The following ZNF93 variants were observed in gnomAD, a reference collection of about 807,000 sequenced individuals.
The protein encoded by ZNF93 is zinc finger protein 505.
Under a neutral mutation model 45.0 loss-of-function variants are expected in ZNF93, and 29 were observed. The observed-to-expected ratio is 0.64, with a 90% confidence interval of 0.48 to 0.88. ZNF93 has a LOEUF of 0.88. ZNF93 is among the 40% of genes least tolerant of loss of function. ZNF93 has a pLI of 0.00. For synonymous variants in ZNF93, 223 were observed against 244.6 expected (o/e 0.91, Z 0.82); for missense variants, 578 against 724.0 (o/e 0.80, Z 2.31).
intron 3 of ZNF93, among the ~76,000 whole-genome samples, chr19:19,929,027 C>T (rs1262186663): frequency 1.3e-5 from 2 of 151,916 alleles, no homozygotes; most frequent in African/African-American, 2.4e-5. Context: ...TGGTGGGACA[C>T]GTTTGGGTCA....
At chr19:19,914,700 T>C in intron 1 of ZNF93, 1 of 282,840 alleles carries the variant, frequency 3.5e-6, no homozygotes, top group South Asian at 3.2e-5. Flanking sequence ...TATAGTTTTC[T>C]ATGGAAGATG....
intron 1 of ZNF93, among the ~76,000 whole-genome samples, chr19:19,903,563 C>T (rs1275235249): frequency 1.3e-5 from 2 of 152,096 alleles, no homozygotes; most frequent in African/African-American, 4.8e-5. Context: ...GTCAGGAGAT[C>T]GAGACCATCC....
chr19:19,916,126 G>A (rs1191770964), intron 2 of ZNF93, among the ~76,000 whole-genome samples: 1 of 150,502 alleles, frequency 6.6e-6, no homozygotes, highest in Non-Finnish European at 1.5e-5. Flanking sequence ...GAGTGCAGTG[G>A]AATGATCTTG....
intron 1 of ZNF93, among the ~76,000 whole-genome samples, chr19:19,914,038 A>G (rs2063317017): frequency 6.6e-6 from 1 of 152,126 alleles, no homozygotes; most frequent in Non-Finnish European, 1.5e-5. Context: ...AGACTTCTCT[A>G]CATTCTGTTT....
At position 19,934,801 on chromosome 19, in the gene ZNF93, AC is replaced by A. The variant is rs199972842; in HGVS notation, c.1847del (p.Thr616MetfsTer32). On this transcript the variant is annotated frameshift_variant, in exon 4 of 4. Transcript: ENST00000343769. LOFTEE classifies it high-confidence loss of function. ...SSLSRHEIIH[T>X]GEKP ...CCTTAGTAGACATGAGATAATTCAT[AC>A]TGGGGAGAAACCCTAGAAGTGTGAA... The A allele has an allele frequency of 2.4e-3, 3,774 of 1,597,636 alleles. 78 individuals carry two copies. In the African/African-American group the frequency reaches 0.043, roughly 18 times the overall value.
At chr19:19,915,841 C>T (rs946414980) in intron 2 of ZNF93, among the ~76,000 whole-genome samples, 2 of 151,936 alleles carry the variant, frequency 1.3e-5, no homozygotes, top group Admixed American at 6.6e-5. Flanking sequence ...GATTACTTCT[C>T]GAGAAAAAAA....
In ZNF93 at chr19:19,916,553, A is replaced by G; in HGVS notation, c.131-7A>G. On this transcript the variant is annotated splice_polypyrimidine_tract_variant and splice_region_variant and intron_variant, in intron 2 of 3. Transcript: ENST00000343769. ...AAGATTCATGTTATTTATTCTTAAC[A>G]AAACAGGTATTGTTGTCTCTAAGCC... The G allele has an allele frequency of 1.9e-6, 3 of 1,610,598 alleles. No individual in the cohort carries two copies. The highest frequency in any genetic ancestry group is 2.5e-6 in the Non-Finnish European group (3 of 1,177,652).
chr19:19,901,276 A>G (rs1599563744), intron 1 of ZNF93, among the ~76,000 whole-genome samples, 185 bp downstream of exon 1: 1 of 152,052 alleles, frequency 6.6e-6, no homozygotes, highest in Admixed American at 6.5e-5. Context: ...CGCAGCCCCC[A>G]GGCGTCCTGT....
chr19:19,917,334 TTC>T (rs2063327321), intron 3 of ZNF93, among the ~76,000 whole-genome samples: 1 of 112,166 alleles, frequency 8.9e-6, no homozygotes, highest in African/African-American at 7.6e-5. Flanking sequence ...ATAATACTTA[TTC>T]TTCAAGTTAT....
chr19:19,928,109 CTAAG>C (rs2063361644), intron 3 of ZNF93, among the ~76,000 whole-genome samples: 1 of 152,214 alleles, frequency 6.6e-6, no homozygotes, highest in African/African-American at 2.4e-5. Context: ...ATTTTTATGT[CTAAG>C]TAGTTTATTT....
intron 3 of ZNF93, among the ~76,000 whole-genome samples, chr19:19,917,917 TTTCCTTCC>T (rs10588675): frequency 1.6e-4 from 24 of 150,834 alleles, no homozygotes; most frequent in South Asian, 1.5e-3. Context: ...AGTGACTTTC[TTTCCTTCC>T]TTCCTTCCTT....
Position 19,935,434 on chromosome 19 carries a change from T to C in ZNF93, c.*616T>C, listed in dbSNP as rs1346321913. Reference sequence around the variant, plus strand: ...CCTTCTAACATCAGTTTATGAAAACTTGAAAAGGTGTTTGCTCCATCAAAT... The same window carrying C: ...CCTTCTAACATCAGTTTATGAAAACCTGAAAAGGTGTTTGCTCCATCAAAT... On this transcript the variant is annotated 3_prime_UTR_variant, in exon 4 of 4. Coordinates refer to ENST00000343769, the MANE Select transcript of ZNF93 (RefSeq NM_031218.4). 6.6e-6 allele frequency: 1 copy of C among 152,478 alleles called. No individual in the cohort carries two copies. The highest frequency in any genetic ancestry group is 1.5e-5 in the Non-Finnish European group (1 of 68,298). The allele number at this position is 152,478 out of a possible 1,614,324, so 9.4% of individuals were successfully genotyped here.
rs1339294197 is a variant in ZNF93, at chr19:19,933,365, G to A, written c.410G>A (p.Ser137Asn). 2 of 1,605,576 alleles carry A rather than the reference G, an allele frequency of 1.2e-6. No homozygotes were observed. Among genetic ancestry groups the A allele is most frequent in the East Asian group, 2.2e-5 (1 of 44,744 alleles). The change falls in exon 4 of 4, where the codon AGT becomes AAT. Residue 137 changes from serine (S) to asparagine (N), a missense_variant. Physicochemically the swap from Ser to Asn is conservative, Grantham distance 46 (BLOSUM62 1). Around this residue, in one of 3 missense-constraint regions of ZNF93, gnomAD observed 446 missense variants for 547.6 expected, o/e 0.81. Transcript: ENST00000343769. ...TGGYNGLNQC[S>N]TTTQSKVFQC... ...GGTTATAATGGACTTAACCAGTGTA[G>A]TACAACTACCCAGAGCAAAGTATTT...
chr19:19,901,236 T>G, intron 1 of ZNF93, 145 bp downstream of exon 1: 1 of 1,379,496 alleles, frequency 7.2e-7, no homozygotes, highest in Non-Finnish European at 1.0e-6. Context: ...TCGGTTCCCT[T>G]CAGCCATAAG....
At chr19:19,929,915 G>A (rs1599573502) in intron 3 of ZNF93, among the ~76,000 whole-genome samples, 2 of 130,082 alleles carry the variant, frequency 1.5e-5, no homozygotes, top group Admixed American at 9.2e-5. Context: ...TCCAGCCTGG[G>A]CAACAGAGCG....
intron 1 of ZNF93, chr19:19,909,606 G>A (rs1372095715): frequency 2.0e-5 from 3 of 152,234 alleles, no homozygotes; most frequent in Non-Finnish European, 4.4e-5. Context: ...CTCTTAAGCA[G>A]ATTGATGATG....
chr19:19,901,915 C>T (rs546224856), intron 1 of ZNF93, among the ~76,000 whole-genome samples: 3 of 152,216 alleles, frequency 2.0e-5, no homozygotes, highest in African/African-American at 7.2e-5. Flanking sequence ...CATAGTGAAA[C>T]CCCGTCTCTA....
intron 2 of ZNF93, 84 bp downstream of exon 2, chr19:19,915,490 T>C (rs2063321203): frequency 2.6e-6 from 4 of 1,511,096 alleles, no homozygotes; most frequent in Non-Finnish European, 2.7e-6. Flanking sequence ...TAGTAATTTA[T>C]TCTTTGCATA....
intron 3 of ZNF93, chr19:19,927,009 T>C (rs2063358163): frequency 5.0e-6 from 2 of 396,250 alleles, no homozygotes; most frequent in Non-Finnish European, 8.9e-6. Flanking sequence ...TTCAAAAAGA[T>C]TTATAATTCT....
Sources: gnomAD v4.1 joint callset for allele counts (sites outside exome capture counted in the v4.1 genomes callset) on GRCh38, gnomAD v4.1.1 for gene constraint, gnomAD v4.1.1 regional missense constraint, MANE v1.5 for transcripts, NCBI Gene and HGNC (gene_info 2026-07-23, HGNC 2026-07-21) for gene names.